AGBL1: variants seen among roughly 807,000 people sequenced by gnomAD.
AGBL1 encodes the protein AGBL carboxypeptidase 1.
In AGBL1, 130 loss-of-function variants were observed where a neutral mutation model predicts 118.9. The observed-to-expected ratio is 1.09, with a 90% CI of 0.95 to 1.26. AGBL1 has a LOEUF of 1.26. Ranked by LOEUF, AGBL1 falls within the 50% of genes most tolerant of loss-of-function variation. The pLI is 0.00. For synonymous variants in AGBL1, 555 were observed against 478.9 expected (o/e 1.16, Z -2.08); for missense variants, 1,584 against 1,298.1 (o/e 1.22, Z -3.38).
chr15:86,227,318 T>G (rs955296241), intron 6 of AGBL1, among the ~76,000 whole-genome samples: 5 of 152,384 alleles, frequency 3.3e-5, no homozygotes, highest in Non-Finnish European at 7.3e-5. Flanking sequence ...CTATACATCT[T>G]TGGTGTTAAT....
In AGBL1 at chr15:86,911,538, G is replaced by C. The variant is rs938109106; in HGVS notation, c.*4244G>C. On this transcript the variant is annotated 3_prime_UTR_variant, in exon 23 of 23. Coordinates refer to ENST00000614907, the MANE Select transcript of AGBL1 (RefSeq NM_001386094.1). Reference sequence around the variant, plus strand: ...ACAGCCTCAGGTTCTGACATTCTTTGTTCTCTTTGATTTGCCACAGAACAT... The same window carrying C: ...ACAGCCTCAGGTTCTGACATTCTTTCTTCTCTTTGATTTGCCACAGAACAT... 3.3e-5 allele frequency: 5 copies of C among 152,194 alleles called. No individual in the cohort carries two copies. The highest frequency in any genetic ancestry group is 1.2e-4 in the African/African-American group (5 of 41,406). The allele number at this position is 152,194 out of a possible 1,614,324, so 9.4% of individuals were successfully genotyped here. A position where few individuals can be genotyped will look rare whatever the true frequency, so the allele number is the denominator to read the frequency against.
At chr15:86,264,196 C>A in intron 10 of AGBL1, 62 bp from the exon 11 acceptor site, 2 of 1,324,178 alleles carry the variant, frequency 1.5e-6, no homozygotes, top group Non-Finnish European at 2.1e-6. Context: ...GGACAGGGAT[C>A]AAATTGTATT....
At chr15:86,799,756 T>A (rs2078624302) in intron 22 of AGBL1, among the ~76,000 whole-genome samples, 1 of 152,282 alleles carries the variant, frequency 6.6e-6, no homozygotes, top group East Asian at 1.9e-4. Flanking sequence ...TTGAAATTGT[T>A]AGCTGAAAAG....
intron 24 of AGBL1, among the ~76,000 whole-genome samples, chr15:87,020,407 C>T (rs1325761180): frequency 6.6e-6 from 1 of 152,104 alleles, no homozygotes; most frequent in Admixed American, 6.6e-5. Flanking sequence ...ACTGAATAGG[C>T]AAAAGCTGAA....
At chr15:86,185,762 G>T (rs543991569) in intron 5 of AGBL1, among the ~76,000 whole-genome samples, 2 of 151,720 alleles carry the variant, frequency 1.3e-5, no homozygotes, top group Non-Finnish European at 2.9e-5. Context: ...GTCGTGGGGT[G>T]GGGGGCTGGG....
At chr15:86,778,337 C>T (rs1475070118) in intron 22 of AGBL1, among the ~76,000 whole-genome samples, 1 of 152,088 alleles carries the variant, frequency 6.6e-6, no homozygotes, top group Admixed American at 6.6e-5. Context: ...TATCAGGAGA[C>T]AGGGTTTGAG....
intron 22 of AGBL1, among the ~76,000 whole-genome samples, chr15:86,766,349 A>G (rs906897955): frequency 1.3e-5 from 2 of 151,860 alleles, no homozygotes; most frequent in African/African-American, 4.8e-5. Flanking sequence ...TGTTATTTAG[A>G]ATTTGTTTCC....
chr15:86,159,034 G>A lies in AGBL1; in HGVS notation c.488+8G>A, dbSNP rs531237010. 23 of 1,611,852 alleles carry A rather than the reference G, an allele frequency of 1.4e-5. No homozygotes were observed. The highest frequency in any genetic ancestry group is 2.0e-5 in the Non-Finnish European group (23 of 1,178,296). On this transcript the variant is annotated splice_region_variant and intron_variant, in intron 5 of 22. Transcript: ENST00000614907. ...GCGCACCCAAGCAATCAGGTACAGA[G>A]TGCCATGTAATACTTCTGCCCCTTT...
intron 18 of AGBL1, among the ~76,000 whole-genome samples, chr15:86,479,101 A>G (rs2082607458): frequency 6.6e-6 from 1 of 152,216 alleles, no homozygotes; most frequent in Admixed American, 6.5e-5. Context: ...TTAAAGCCTT[A>G]AATGTTAGAC....
At chr15:86,428,112 A>G (rs569208773) in intron 18 of AGBL1, among the ~76,000 whole-genome samples, 11 of 152,352 alleles carry the variant, frequency 7.2e-5, no homozygotes, top group African/African-American at 1.9e-4. Flanking sequence ...TTTAATTAGT[A>G]TTTAAAAAGG....
At chr15:86,513,568 G>A (rs2083078137) in intron 18 of AGBL1, among the ~76,000 whole-genome samples, 1 of 151,980 alleles carries the variant, frequency 6.6e-6, no homozygotes, top group South Asian at 2.1e-4. Flanking sequence ...TGAATCTTCT[G>A]TTGCTCATTA....
chr15:86,433,628 A>G (rs2081967028), intron 18 of AGBL1, among the ~76,000 whole-genome samples: 2 of 151,832 alleles, frequency 1.3e-5, no homozygotes. Context: ...TCCCATGAGA[A>G]CTCTGGCATG....
intron 21 of AGBL1, among the ~76,000 whole-genome samples, chr15:86,604,356 G>C (rs1246780693): frequency 6.6e-6 from 1 of 152,110 alleles, no homozygotes; most frequent in Non-Finnish European, 1.5e-5. Context: ...TGTGAAAGAA[G>C]GTAATATTTT....
At chr15:86,191,187 A>T (rs1307197995) in intron 5 of AGBL1, among the ~76,000 whole-genome samples, 2 of 151,996 alleles carry the variant, frequency 1.3e-5, no homozygotes, top group East Asian at 3.9e-4. Context: ...CCTACTAAAA[A>T]TACAAAAAAA....
At position 86,878,434 on chromosome 15, in the gene AGBL1, C is replaced by G. The variant is rs1167748335; in HGVS notation, c.3159-28653C>G. On this transcript the variant is annotated intron_variant, in intron 22 of 22. Transcript: ENST00000614907. ...AGAATGTAGTTGGCTGACACCTGTT[C>G]TGGAGAAAAATACTCTTTTCTCCAC... 3.3e-5 allele frequency among the ~76,000 whole-genome samples: 5 copies of G among 152,136 alleles called. No individual in the cohort carries two copies. In the East Asian group the frequency reaches 9.7e-4, roughly 29 times the overall value.
intron 5 of AGBL1, among the ~76,000 whole-genome samples, chr15:86,186,933 A>G (rs2077642133): frequency 6.6e-6 from 1 of 152,244 alleles, no homozygotes; most frequent in Admixed American, 6.5e-5. Context: ...TCTCTTCATT[A>G]TACAACACAC....
chr15:86,532,605 A>G lies in AGBL1; in HGVS notation c.2685+9666A>G, dbSNP rs527939243. The stretch of plus-strand genomic sequence containing the variant: ...TGACTTTCTTCACAGAATTGGAAAA[A>G]ACTACTTTAAAGTTCATATGGAACC... On this transcript the variant is annotated intron_variant, in intron 19 of 22. Transcript: ENST00000614907. 7.8e-4 allele frequency among the ~76,000 whole-genome samples: 115 copies of G among 146,538 alleles called. 1 individual carries two copies. The highest frequency in any genetic ancestry group is 2.8e-3 in the African/African-American group (112 of 39,404).
downstream of AGBL1, among the ~76,000 whole-genome samples, chr15:87,029,917 G>C (rs1215495823): frequency 6.6e-6 from 1 of 151,740 alleles, no homozygotes; most frequent in African/African-American, 2.4e-5. Flanking sequence ...TTCATCCCTT[G>C]ATGGCTCCTA....
At chr15:86,837,605 A>T (rs888556273) in intron 22 of AGBL1, among the ~76,000 whole-genome samples, 3 of 152,186 alleles carry the variant, frequency 2.0e-5, no homozygotes, top group Admixed American at 1.3e-4. Context: ...CTGATTCTTG[A>T]TATACAGCAA....
Sources: gnomAD v4.1 joint callset for allele counts (sites outside exome capture counted in the v4.1 genomes callset) on GRCh38, gnomAD v4.1.1 for gene constraint, MANE v1.5 for transcripts, NCBI Gene and HGNC (gene_info 2026-07-23, HGNC 2026-07-21) for gene names.